Variants in A2M observed in about 807,000 individuals in gnomAD.
The protein encoded by A2M is C3 and PZP-like alpha-2-macroglobulin domain-containing protein 5.
Under a neutral mutation model 183.9 loss-of-function variants are expected in A2M, and 128 were observed. The ratio of observed to expected loss-of-function variants is 0.70; its 90% CI spans 0.60 to 0.81. The LOEUF is 0.81. Ranked by LOEUF, A2M falls within the 30% of genes least tolerant of loss-of-function variation. The pLI is 0.00. For missense variants in A2M, 1,495 were observed against 1,787.6 expected, an observed-to-expected ratio of 0.84 and a Z score of 2.95; for synonymous variants, 592 against 670.8, an observed-to-expected ratio of 0.88 and a Z score of 1.81.
chr12:9,110,862 C>T (rs75947073), intron 4 of A2M, among the ~76,000 whole-genome samples: 1 of 152,138 alleles, frequency 6.6e-6, no homozygotes, highest in Non-Finnish European at 1.5e-5. Context: ...ACTTACTAGG[C>T]CTTCAGCAAC....
intron 29 of A2M, 98 bp downstream of exon 29, chr12:9,074,462 T>C (rs1805660): frequency 8.5e-7 from 1 of 1,170,316 alleles, no homozygotes; most frequent in South Asian, 1.6e-5. Flanking sequence ...CAAGTTACTG[T>C]CATCTGTATT....
chr12:9,100,809 A>G (rs1937774253), intron 13 of A2M, among the ~76,000 whole-genome samples: 1 of 152,196 alleles, frequency 6.6e-6, no homozygotes, highest in Admixed American at 6.5e-5. Flanking sequence ...CTAAGCTATT[A>G]GGAAGTGGCA....
intron 11 of A2M, among the ~76,000 whole-genome samples, chr12:9,102,829 T>C (rs1391251087): frequency 6.6e-6 from 1 of 152,212 alleles, no homozygotes; most frequent in Non-Finnish European, 1.5e-5. Flanking sequence ...CTTTTTGAAA[T>C]GAGTAAACAT....
At chr12:9,070,825 A>ATTT (rs11438631) in intron 31 of A2M, among the ~76,000 whole-genome samples, 5 of 145,862 alleles carry the variant, frequency 3.4e-5, no homozygotes, top group African/African-American at 1.3e-4. Flanking sequence ...GAGGATCTGC[A>ATTT]TTTTTTTTTT....
chr12:9,101,340 A>C, intron 12 of A2M, 107 bp downstream of exon 12: 1 of 1,343,646 alleles, frequency 7.4e-7, no homozygotes, highest in Non-Finnish European at 1.0e-6. Context: ...TTCAAAAGGA[A>C]CATGGATAAG....
At chr12:9,113,685 G>A in intron 1 of A2M, 142 bp from the exon 2 acceptor site, 1 of 761,332 alleles carries the variant, frequency 1.3e-6, no homozygotes, top group Non-Finnish European at 2.1e-6. Flanking sequence ...TTTGGCCGTT[G>A]AAGGCCATGC....
In A2M at chr12:9,074,613, C is replaced by T. The variant is rs753995634; in HGVS notation, c.3703G>A (p.Val1235Met). 7 of 1,613,662 alleles carry T rather than the reference C, an allele frequency of 4.3e-6. No individual in the cohort carries two copies. Among genetic ancestry groups the T allele is most frequent in the African/African-American group, 1.3e-5 (1 of 74,890 alleles). Residue 1235 changes from valine to methionine, a missense_variant, in exon 29 of 36, where the codon GTG (valine) becomes ATG (methionine). Coordinates refer to ENST00000318602, the MANE Select transcript of A2M (RefSeq NM_000014.6). ...SEDLTSATNI[V>M]KWITKQQNAQ... is the part of the protein sequence containing the mutation. ...TTCTGCTGCTTCGTGATCCACTTCA[C>T]GATGTTGGTTGCAGAGGTCAGGTCC...
chr12:9,115,985 A>G, upstream of A2M: 1 of 737,008 alleles, frequency 1.4e-6, no homozygotes, highest in South Asian at 1.5e-5. Flanking sequence ...CCACCCACAC[A>G]AGATCTCTAA....
At chr12:9,084,809 A>C (rs1044198810) in intron 22 of A2M, among the ~76,000 whole-genome samples, 1 of 152,154 alleles carries the variant, frequency 6.6e-6, no homozygotes. Flanking sequence ...AAGGACACAC[A>C]TAGACTGAAA....
intron 8 of A2M, 127 bp from the exon 9 acceptor site, chr12:9,106,732 CAATA>C: frequency 2.3e-6 from 1 of 441,606 alleles, no homozygotes; most frequent in Non-Finnish European, 3.8e-6. Flanking sequence ...GACGAGGACA[CAATA>C]AATATTCTCT....
chr12:9,079,707 T>G lies in A2M; in HGVS notation c.2963A>C (p.Asp988Ala). 6.2e-7 allele frequency: 1 copy of G among 1,613,780 alleles called. No homozygotes were observed. Among genetic ancestry groups the G allele is most frequent in the South Asian group, 1.1e-5 (1 of 91,054 alleles). ...VLFAPNIYVL[D>A]YLNETQQLTP... ...AAGCTGCTGTGTTTCATTTAGATAATCCAGTACATAGATGTTAGGAGCAAA... is the reference window on the plus strand; with the variant it reads ...AAGCTGCTGTGTTTCATTTAGATAAGCCAGTACATAGATGTTAGGAGCAAA... Residue 988 changes from aspartate (D) to alanine (A), a missense_variant, in exon 24 of 36, where the codon GAT (aspartate) becomes GCT (alanine). Transcript: ENST00000318602.
At chr12:9,100,034 A>G (rs1249905032) in intron 13 of A2M, among the ~76,000 whole-genome samples, 1 of 152,208 alleles carries the variant, frequency 6.6e-6, no homozygotes, top group African/African-American at 2.4e-5. Context: ...TGCTACAAGA[A>G]CTAATGAGAG....
chr12:9,115,049 C>G (rs958019558), intron 1 of A2M: 3 of 152,118 alleles, frequency 2.0e-5, no homozygotes, highest in Non-Finnish European at 4.4e-5. Flanking sequence ...TTTTGTGTAG[C>G]TATAAGTGCT....
intron 31 of A2M, among the ~76,000 whole-genome samples, chr12:9,070,915 G>C (rs1948554918): frequency 6.6e-6 from 1 of 151,920 alleles, no homozygotes; most frequent in Non-Finnish European, 1.5e-5. Flanking sequence ...CCGCCTCCTG[G>C]GTTCAAGTGA....
intron 22 of A2M, among the ~76,000 whole-genome samples, chr12:9,084,373 T>C (rs1265639591): frequency 2.0e-5 from 3 of 152,126 alleles, no homozygotes; most frequent in Non-Finnish European, 4.4e-5. Flanking sequence ...ATAACAAGCA[T>C]AGCTAAAAAT....
At chr12:9,095,301 T>A (rs1949340033) in intron 16 of A2M, among the ~76,000 whole-genome samples, 1 of 152,212 alleles carries the variant, frequency 6.6e-6, no homozygotes, top group African/African-American at 2.4e-5. Flanking sequence ...GTGATTTTAA[T>A]AAACATCACA....
intron 28 of A2M, among the ~76,000 whole-genome samples, chr12:9,075,152 T>C (rs1451255970): frequency 6.6e-6 from 1 of 152,230 alleles, no homozygotes; most frequent in East Asian, 1.9e-4. Context: ...TTTATCAGTT[T>C]CTTGTGAGGA....
At chr12:9,079,905 A>G in intron 23 of A2M, 90 bp from the exon 24 acceptor site, 1 of 1,293,404 alleles carries the variant, frequency 7.7e-7, no homozygotes, top group Middle Eastern at 2.2e-4. Flanking sequence ...GAGCTTAGAA[A>G]TTGAGAATTT....
chr12:9,096,162 C>T (rs1949376199), intron 15 of A2M, among the ~76,000 whole-genome samples: 1 of 152,162 alleles, frequency 6.6e-6, no homozygotes, highest in East Asian at 1.9e-4. Context: ...GGGTATGGAT[C>T]ATTTTCTTGA....
Sources: allele counts gnomAD v4.1 joint callset (sites outside exome capture counted in the v4.1 genomes callset), GRCh38; gene constraint gnomAD v4.1.1; transcripts MANE v1.5; gene names NCBI Gene and HGNC (gene_info 2026-07-23, HGNC 2026-07-21).